IMMP2L: variants seen among roughly 807,000 people sequenced by gnomAD.
The protein encoded by IMMP2L is mitochondrial inner membrane protease subunit 2.
IMMP2L carries 18 observed loss-of-function variants against 19.3 expected under a neutral mutation model. The ratio of observed to expected loss-of-function variants is 0.93; its 90% CI spans 0.64 to 1.38. The LOEUF is 1.38. Among genes scored for constraint, IMMP2L ranks in the 40% most tolerant of loss-of-function variants. The probability of loss-of-function intolerance (pLI) is 0.00; values close to 1 mark genes in which losing one functional copy is unlikely to be tolerated. For missense variants in IMMP2L, 233 were observed against 218.2 expected, an observed-to-expected ratio of 1.07 and a Z score of -0.43; for synonymous variants, 76 against 73.0, an observed-to-expected ratio of 1.04 and a Z score of -0.21.
chr7:110,834,379 A>G (rs1804242698), intron 5 of IMMP2L, among the ~76,000 whole-genome samples: 1 of 115,090 alleles, frequency 8.7e-6, no homozygotes. Flanking sequence ...TGTGTGTGTT[A>G]TATGCAACTT....
At chr7:111,012,099 G>T (rs1825026163) in intron 3 of IMMP2L, among the ~76,000 whole-genome samples, 1 of 152,098 alleles carries the variant, frequency 6.6e-6, no homozygotes, top group African/African-American at 2.4e-5. Context: ...CAGGGAGAGA[G>T]AATTCTATTA....
intron 3 of IMMP2L, among the ~76,000 whole-genome samples, chr7:110,999,661 G>T (rs116976211): frequency 0.021 from 3,115 of 148,500 alleles, 51 homozygotes; most frequent in Admixed American, 0.04. Context: ...TACTCTTTCT[G>T]CTGGGATCAG....
chr7:110,992,127 G>A (rs1040987142), intron 3 of IMMP2L, among the ~76,000 whole-genome samples: 3 of 151,910 alleles, frequency 2.0e-5, no homozygotes, highest in African/African-American at 7.3e-5. Context: ...TTACTTCTCT[G>A]AGAGATTATA....
At chr7:111,267,347 T>A (rs1562986140) in intron 3 of IMMP2L, among the ~76,000 whole-genome samples, 1 of 152,164 alleles carries the variant, frequency 6.6e-6, no homozygotes, top group Non-Finnish European at 1.5e-5. Context: ...AATGTAAAAT[T>A]ACTAAGATTT....
intron 3 of IMMP2L, among the ~76,000 whole-genome samples, chr7:111,069,217 G>T (rs1249464036): frequency 2.6e-5 from 4 of 152,126 alleles, no homozygotes; most frequent in Non-Finnish European, 5.9e-5. Flanking sequence ...TGACTGCTGG[G>T]CATGAAGAAG....
chr7:111,252,457 T>C (rs762462689), intron 3 of IMMP2L, among the ~76,000 whole-genome samples: 8 of 152,004 alleles, frequency 5.3e-5, no homozygotes, highest in Non-Finnish European at 1.2e-4. Flanking sequence ...ACCCTAAATA[T>C]TGTCATAAGT....
chr7:110,966,107 A>G (rs1440519178), intron 3 of IMMP2L, among the ~76,000 whole-genome samples: 1 of 152,094 alleles, frequency 6.6e-6, no homozygotes, highest in East Asian at 1.9e-4. Context: ...ATGATGTTAT[A>G]GAAGAATATT....
chr7:110,705,545 T>C (rs1237263047), intron 5 of IMMP2L, among the ~76,000 whole-genome samples: 1 of 152,184 alleles, frequency 6.6e-6, no homozygotes, highest in African/African-American at 2.4e-5. Flanking sequence ...TCATAAGTTT[T>C]AACTTTTATG....
intron 3 of IMMP2L, among the ~76,000 whole-genome samples, chr7:111,008,125 T>C (rs1272817941): frequency 6.6e-6 from 1 of 152,078 alleles, no homozygotes; most frequent in Non-Finnish European, 1.5e-5. Context: ...TTTCCTATTT[T>C]ATCTCTTGCC....
In IMMP2L at chr7:110,964,349, GT is replaced by G. The variant is rs1819304458; in HGVS notation, c.240-785del. Among the ~76,000 whole-genome samples the G allele has an allele frequency of 2.0e-5, 3 of 152,062 alleles. No homozygotes were observed. In the South Asian group the frequency reaches 6.2e-4, roughly 32 times the overall value. ...AATTTCATTTAAAATTAAGAAAGGA[GT>G]TTTTATTTAAATCCCATAAAAACAA... On this transcript the variant is annotated intron_variant, in intron 3 of 5. Coordinates refer to ENST00000405709, the MANE Select transcript of IMMP2L (RefSeq NM_032549.4).
At chr7:111,338,738 G>A (rs532629782) in intron 3 of IMMP2L, among the ~76,000 whole-genome samples, 2 of 152,108 alleles carry the variant, frequency 1.3e-5, no homozygotes, top group African/African-American at 4.8e-5. Context: ...TGTGAATAAA[G>A]AAATCTAGGT....
intron 3 of IMMP2L, among the ~76,000 whole-genome samples, chr7:111,172,743 GT>G (rs1178890533): frequency 6.6e-6 from 1 of 151,566 alleles, no homozygotes; most frequent in African/African-American, 2.4e-5. Flanking sequence ...AGAACAGGCA[GT>G]GTTTATCCTT....
intron 3 of IMMP2L, among the ~76,000 whole-genome samples, chr7:111,290,386 T>G (rs898031508): frequency 3.3e-5 from 5 of 152,168 alleles, no homozygotes; most frequent in Admixed American, 3.3e-4. Flanking sequence ...GTAAATAGAC[T>G]GCCTATATAC....
At chr7:110,732,133 G>A (rs577349721) in intron 5 of IMMP2L, among the ~76,000 whole-genome samples, 2 of 152,258 alleles carry the variant, frequency 1.3e-5, no homozygotes, top group South Asian at 4.2e-4. Context: ...TCAAGGGGCT[G>A]GAGAGCATGA....
chr7:111,092,836 A>G (rs938852430), intron 3 of IMMP2L, among the ~76,000 whole-genome samples: 1 of 152,198 alleles, frequency 6.6e-6, no homozygotes, highest in African/African-American at 2.4e-5. Flanking sequence ...GAAACCTAGC[A>G]TTTGTATTTC....
chr7:111,078,884 C>T (rs965241578), intron 3 of IMMP2L, among the ~76,000 whole-genome samples: 1 of 152,090 alleles, frequency 6.6e-6, no homozygotes, highest in African/African-American at 2.4e-5. Context: ...CATGCGCCAC[C>T]ACACATGGCT....
rs1823484029 is a variant in IMMP2L, at chr7:110,999,950, C to T, written c.240-36385G>A. Among the ~76,000 whole-genome samples, 7 of 151,778 alleles carry T rather than the reference C, an allele frequency of 4.6e-5. No individual in the cohort carries two copies. The South Asian group carries it at 1.5e-3, about 32-fold the overall frequency. On this transcript the variant is annotated intron_variant, in intron 3 of 5. Coordinates refer to ENST00000405709, the MANE Select transcript of IMMP2L (RefSeq NM_032549.4). ...GTTAAGATGAGAGAGTGAGAAACTC[C>T]CTCAATTGGCAGAGTAAGAAGAGCT...
chr7:110,668,213 G>T (rs1285316761), intron 5 of IMMP2L, among the ~76,000 whole-genome samples: 1 of 152,086 alleles, frequency 6.6e-6, no homozygotes, highest in Non-Finnish European at 1.5e-5. Context: ...TCTGGAAAAG[G>T]TAAACCTAAT....
intron 3 of IMMP2L, among the ~76,000 whole-genome samples, chr7:111,065,935 C>T (rs1794454695): frequency 6.6e-6 from 1 of 151,626 alleles, no homozygotes. Flanking sequence ...TATGCGCGCG[C>T]ACGCTTGGTT....
Sources: allele counts gnomAD v4.1 joint callset (sites outside exome capture counted in the v4.1 genomes callset), GRCh38; gene constraint gnomAD v4.1.1; transcripts MANE v1.5; gene names NCBI Gene and HGNC (gene_info 2026-07-23, HGNC 2026-07-21).